ERC1: variants seen among roughly 807,000 people sequenced by gnomAD.
The protein encoded by ERC1 is RAB6 interacting protein 2.
A neutral mutation model predicts 132.0 loss-of-function variants in ERC1; 56 were observed. The observed-to-expected ratio is 0.42, with a 90% CI of 0.34 to 0.53. The LOEUF is 0.53. Ranked by LOEUF, ERC1 falls within the 20% of genes least tolerant of loss-of-function variation. ERC1 has a pLI of 0.03. For synonymous variants in ERC1, 478 were observed against 476.1 expected (o/e 1.00, Z -0.05); for missense variants, 1,202 against 1,349.9 (o/e 0.89, Z 1.72).
chr12:1,078,166 C>T (rs931848715), intron 2 of ERC1, among the ~76,000 whole-genome samples: 5 of 152,194 alleles, frequency 3.3e-5, no homozygotes, highest in South Asian at 2.1e-4. Context: ...GAATTGATGA[C>T]GAATGGTCAG....
intron 17 of ERC1, among the ~76,000 whole-genome samples, chr12:1,432,092 T>A (rs2092813456): frequency 1.3e-5 from 2 of 152,134 alleles, no homozygotes; most frequent in Admixed American, 1.3e-4. Flanking sequence ...TTGCCCAGGT[T>A]GGTCTCGAAC....
intron 17 of ERC1, among the ~76,000 whole-genome samples, chr12:1,416,775 C>T (rs898209515): frequency 5.9e-5 from 9 of 152,266 alleles, no homozygotes; most frequent in African/African-American, 2.2e-4. Context: ...TAATAATACA[C>T]CTGCCTCAGA....
chr12:993,346 C>A (rs1380772842), intron 1 of ERC1, among the ~76,000 whole-genome samples: 1 of 152,162 alleles, frequency 6.6e-6, no homozygotes, highest in East Asian at 1.9e-4. Context: ...ATTTGCATGG[C>A]TGGTAGTAAG....
At chr12:1,202,541 C>A (rs1329373919) in intron 12 of ERC1, among the ~76,000 whole-genome samples, 1 of 151,982 alleles carries the variant, frequency 6.6e-6, no homozygotes, top group Non-Finnish European at 1.5e-5. Flanking sequence ...TCTATAGTCC[C>A]AGCTATTTGG....
rs563435472 is a variant in ERC1 at position 1,234,145 on chromosome 12, A to G, written c.2352-2624A>G. 8.5e-5 allele frequency among the ~76,000 whole-genome samples: 13 copies of G among 152,334 alleles called. No homozygotes were observed. In the South Asian group the frequency reaches 2.7e-3, roughly 32 times the overall value. ...CTTTGTTAGCCTTTTAAGGAGACCT[A>G]AACAAATAGATAAACACACTGACCA... is the stretch of plus-strand genomic sequence containing the variant. On this transcript the variant is annotated intron_variant, in intron 12 of 18. Coordinates refer to ENST00000360905, the MANE Select transcript of ERC1 (RefSeq NM_178040.4).
chr12:1,336,727 T>G (rs886544059), intron 15 of ERC1, among the ~76,000 whole-genome samples: 15 of 152,174 alleles, frequency 9.9e-5, no homozygotes, highest in African/African-American at 3.1e-4. Context: ...CTGTTGCTTT[T>G]GGGTGGAGAA....
intron 2 of ERC1, among the ~76,000 whole-genome samples, chr12:1,038,132 G>A (rs1969460781): frequency 6.6e-6 from 1 of 152,110 alleles, no homozygotes; most frequent in African/African-American, 2.4e-5. Flanking sequence ...ACTAGAAGTG[G>A]TCACTGGGAG....
chr12:1,414,090 C>G (rs2091987400), intron 17 of ERC1, among the ~76,000 whole-genome samples: 1 of 152,208 alleles, frequency 6.6e-6, no homozygotes, highest in African/African-American at 2.4e-5. Context: ...GCCGCTGATC[C>G]AGGAGGCGGA....
chr12:1,068,543 T>C (rs1939722136), intron 2 of ERC1, among the ~76,000 whole-genome samples: 1 of 151,832 alleles, frequency 6.6e-6, no homozygotes, highest in African/African-American at 2.4e-5. Flanking sequence ...AGCATTTTTT[T>C]GTGAATAATT....
intron 18 of ERC1, 51 bp downstream of exon 18, chr12:1,444,801 G>T (rs763318880): frequency 6.4e-7 from 1 of 1,571,992 alleles, no homozygotes; most frequent in Non-Finnish European, 8.7e-7. Flanking sequence ...TCCAGTTGCT[G>T]TGTAGGTTGA....
At chr12:1,077,853 A>G (rs947328191) in intron 2 of ERC1, among the ~76,000 whole-genome samples, 1 of 152,178 alleles carries the variant, frequency 6.6e-6, no homozygotes, top group Non-Finnish European at 1.5e-5. Flanking sequence ...CTTCTTCTAA[A>G]GGAGTTGGCA....
intron 15 of ERC1, among the ~76,000 whole-genome samples, chr12:1,318,728 T>C (rs1756300405): frequency 6.6e-6 from 1 of 151,910 alleles, no homozygotes; most frequent in Admixed American, 6.6e-5. Context: ...GGTGAAGCTG[T>C]CTCTGGAGCC....
chr12:1,444,817 T>TGG, intron 18 of ERC1, 67 bp downstream of exon 18: 1 of 1,456,594 alleles, frequency 6.9e-7, no homozygotes, highest in South Asian at 1.2e-5. Context: ...GTTGATGCAG[T>TGG]GGGGGCTACC....
At chr12:1,420,580 C>T (rs1005967847) in intron 17 of ERC1, among the ~76,000 whole-genome samples, 1 of 152,078 alleles carries the variant, frequency 6.6e-6, no homozygotes, top group South Asian at 2.1e-4. Context: ...CTTAGCCTCC[C>T]GAGTAGCTGG....
chr12:1,303,936 A>G (rs1160960255), intron 15 of ERC1, among the ~76,000 whole-genome samples: 1 of 147,390 alleles, frequency 6.8e-6, no homozygotes, highest in East Asian at 2.0e-4. Context: ...CTGGGCAACA[A>G]GAGCAAAACT....
At chr12:1,096,584 G>A (rs1394880967) in intron 3 of ERC1, among the ~76,000 whole-genome samples, 2 of 152,212 alleles carry the variant, frequency 1.3e-5, no homozygotes, top group Non-Finnish European at 2.9e-5. Flanking sequence ...AAACTAGGCT[G>A]GGAGGAGGCT....
At chr12:1,001,061 G>A (rs1397763867) in intron 1 of ERC1, among the ~76,000 whole-genome samples, 1 of 152,028 alleles carries the variant, frequency 6.6e-6, no homozygotes, top group Non-Finnish European at 1.5e-5. Context: ...GGGCAACCAC[G>A]CCTGGCTAAT....
intron 10 of ERC1, 134 bp from the exon 11 acceptor site, chr12:1,183,147 T>G: frequency 2.1e-6 from 1 of 480,740 alleles, no homozygotes; most frequent in Non-Finnish European, 3.7e-6. Flanking sequence ...ATTTCATGAA[T>G]GAGTTTCCTT....
At chr12:1,154,259 G>GTATATATACACATATACA in intron 8 of ERC1, among the ~76,000 whole-genome samples, 1 of 137,216 alleles carries the variant, frequency 7.3e-6, no homozygotes, top group African/African-American at 2.9e-5. Context: ...ATATGTATAT[G>GTATATATACACATATACA]TGTATATATA....
Sources: gnomAD v4.1 joint callset for allele counts (sites outside exome capture counted in the v4.1 genomes callset) on GRCh38, gnomAD v4.1.1 for gene constraint, MANE v1.5 for transcripts, NCBI Gene and HGNC (gene_info 2026-07-23, HGNC 2026-07-21) for gene names.